The following SAMD4A variants were observed in gnomAD, a reference collection of about 807,000 sequenced individuals.
The protein encoded by SAMD4A is sterile alpha motif domain containing 4A, also known as protein Smaug homolog 1.
Under a neutral mutation model 81.3 loss-of-function variants are expected in SAMD4A, and 33 were observed. The ratio of observed to expected loss-of-function variants is 0.41; its 90% CI spans 0.31 to 0.54. The LOEUF is 0.54. SAMD4A is among the 20% of genes least tolerant of loss of function. SAMD4A has a pLI of 0.37. For missense variants in SAMD4A, 854 were observed against 951.1 expected (o/e 0.90, Z 1.34); for synonymous variants, 389 against 382.1 (o/e 1.02, Z -0.21).
At chr14:54,772,517 A>G (rs1256852213) in intron 9 of SAMD4A, among the ~76,000 whole-genome samples, 3 of 152,152 alleles carry the variant, frequency 2.0e-5, no homozygotes, top group African/African-American at 7.2e-5. Flanking sequence ...CTGAGTCCTA[A>G]GAGTCCCTGG....
chr14:54,792,463 T>G lies in SAMD4A; in HGVS notation c.*3519T>G, dbSNP rs966210172. 1.3e-5 allele frequency: 2 copies of G among 152,228 alleles called. No homozygotes were observed. Among genetic ancestry groups the G allele is most frequent in the African/African-American group, 4.8e-5 (2 of 41,414 alleles). The allele number at this position is 152,228 out of a possible 1,614,324, so 9.4% of individuals were successfully genotyped here. A position where few individuals can be genotyped will look rare whatever the true frequency, so the allele number is the denominator to read the frequency against. ...TACTGCCGGTGCAAGGTTGTAGATG[T>G]TATTCCCCAGGAGCCTGGGCTTGGG... On this transcript the variant is annotated 3_prime_UTR_variant, in exon 13 of 13. Coordinates refer to ENST00000554335, the MANE Select transcript of SAMD4A (RefSeq NM_015589.6).
intron 8 of SAMD4A, among the ~76,000 whole-genome samples, chr14:54,769,755 G>A (rs141359295): frequency 6.6e-5 from 10 of 152,332 alleles, no homozygotes; most frequent in African/African-American, 2.2e-4. Context: ...GCAAAAGCCA[G>A]AGTATTCAAC....
chr14:54,728,780 T>C (rs1419144095), intron 3 of SAMD4A, among the ~76,000 whole-genome samples: 3 of 152,184 alleles, frequency 2.0e-5, no homozygotes, highest in Admixed American at 6.5e-5. Flanking sequence ...AAAAAAATAC[T>C]GTTTGATCAA....
chr14:54,773,284 A>T (rs999540856), intron 9 of SAMD4A, among the ~76,000 whole-genome samples: 5 of 152,136 alleles, frequency 3.3e-5, no homozygotes, highest in Non-Finnish European at 7.4e-5. Context: ...TCAGGAAATG[A>T]CTGTTCTGCA....
intron 2 of SAMD4A, among the ~76,000 whole-genome samples, chr14:54,606,570 C>T (rs7159029): frequency 0.39 from 58,664 of 151,874 alleles, 11,414 homozygotes; most frequent in Middle Eastern, 0.46. Context: ...GCACAGGGGC[C>T]CTGTTTGGTC....
intron 2 of SAMD4A, among the ~76,000 whole-genome samples, chr14:54,696,640 A>C (rs1437317048): frequency 6.6e-6 from 1 of 152,242 alleles, no homozygotes; most frequent in Non-Finnish European, 1.5e-5. Flanking sequence ...GTGTAGCAAT[A>C]ATACCAGACT....
At chr14:54,707,457 G>A (rs1241391332) in intron 3 of SAMD4A, among the ~76,000 whole-genome samples, 2 of 152,054 alleles carry the variant, frequency 1.3e-5, no homozygotes, top group African/African-American at 4.8e-5. Flanking sequence ...AATGTTTATT[G>A]AGTGCCTACT....
At chr14:54,755,753 G>A (rs532870604) in intron 6 of SAMD4A, among the ~76,000 whole-genome samples, 54 of 152,286 alleles carry the variant, frequency 3.5e-4, no homozygotes, top group South Asian at 8.3e-4. Flanking sequence ...CTCAAGATAC[G>A]TGGTGGAAAA....
chr14:54,741,727 C>T (rs1375382673), intron 4 of SAMD4A, among the ~76,000 whole-genome samples: 1 of 152,162 alleles, frequency 6.6e-6, no homozygotes, highest in Non-Finnish European at 1.5e-5. Flanking sequence ...AGGAAAGTTC[C>T]TAGAGGAGGA....
At chr14:54,709,046 G>A (rs1005490478) in intron 3 of SAMD4A, among the ~76,000 whole-genome samples, 1 of 152,178 alleles carries the variant, frequency 6.6e-6, no homozygotes, top group Non-Finnish European at 1.5e-5. Context: ...GGAGACCCAG[G>A]CAGGCAGATC....
chr14:54,742,452 C>A (rs1416018244), intron 4 of SAMD4A, among the ~76,000 whole-genome samples: 1 of 152,196 alleles, frequency 6.6e-6, no homozygotes, highest in East Asian at 1.9e-4. Context: ...GCTGACCCAG[C>A]CTCACTAACA....
chr14:54,759,336 C>T (rs146831326), intron 6 of SAMD4A, among the ~76,000 whole-genome samples: 206 of 152,292 alleles, frequency 1.4e-3, no homozygotes, highest in African/African-American at 4.2e-3. Flanking sequence ...CCTGCTCCAT[C>T]GCAGGCCTCC....
At position 54,662,420 on chromosome 14, in the gene SAMD4A, T is replaced by C. The variant is rs550289941; in HGVS notation, c.197-39642T>C. 1.8e-3 allele frequency among the ~76,000 whole-genome samples: 275 copies of C among 151,768 alleles called. 3 individuals are homozygous for C. The highest frequency in any genetic ancestry group is 6.2e-3 in the African/African-American group (258 of 41,294). ...CTTATTTTTTTTTTTTTTCATTTTT[T>C]TTTTCCTGAGACGGAGTCTTGCTTT... On this transcript the variant is annotated intron_variant, in intron 2 of 12. Coordinates refer to ENST00000554335, the MANE Select transcript of SAMD4A (RefSeq NM_015589.6).
At chr14:54,774,835 A>AATT in intron 9 of SAMD4A, 99 bp from the exon 10 acceptor site, 1 of 937,316 alleles carries the variant, frequency 1.1e-6, no homozygotes, top group Non-Finnish European at 1.6e-6. Context: ...AAAAAAAAAA[A>AATT]TGAGGAGACC....
chr14:54,775,640 C>T (rs1323068682), intron 10 of SAMD4A, among the ~76,000 whole-genome samples: 1 of 152,096 alleles, frequency 6.6e-6, no homozygotes, highest in Non-Finnish European at 1.5e-5. Flanking sequence ...ACTTCTCTGG[C>T]CCGTCGCTCA....
At chr14:54,615,294 G>A (rs938062493) in intron 2 of SAMD4A, among the ~76,000 whole-genome samples, 1 of 152,200 alleles carries the variant, frequency 6.6e-6, no homozygotes, top group East Asian at 1.9e-4. Context: ...TTTTGCAGTT[G>A]AGGAAATACC....
chr14:54,682,205 G>T, intron 2 of SAMD4A: 1 of 293,818 alleles, frequency 3.4e-6, no homozygotes, highest in Non-Finnish European at 5.1e-6. Flanking sequence ...TATAGGGGAA[G>T]AGTCCATACG....
intron 3 of SAMD4A, among the ~76,000 whole-genome samples, chr14:54,728,570 T>A (rs2037482653): frequency 1.3e-5 from 2 of 152,174 alleles, no homozygotes; most frequent in South Asian, 4.1e-4. Flanking sequence ...TTTATGTGTA[T>A]TGTTGCATTT....
At chr14:54,634,030 G>GC (rs1007584897) in intron 2 of SAMD4A, among the ~76,000 whole-genome samples, 6 of 152,066 alleles carry the variant, frequency 3.9e-5, no homozygotes, top group African/African-American at 7.2e-5. Flanking sequence ...GGGTGCGGTG[G>GC]CTCACGCCTG....
Sources: gnomAD v4.1 joint callset for allele counts (sites outside exome capture counted in the v4.1 genomes callset) on GRCh38, gnomAD v4.1.1 for gene constraint, MANE v1.5 for transcripts, NCBI Gene and HGNC (gene_info 2026-07-23, HGNC 2026-07-21) for gene names.